MSH4: variants seen among roughly 807,000 people sequenced by gnomAD.
The protein encoded by MSH4 is mutS homolog 4.
MSH4 carries 106 observed loss-of-function variants against 113.7 expected under a neutral mutation model. The ratio of observed to expected loss-of-function variants is 0.93; its 90% CI spans 0.80 to 1.10. The LOEUF is 1.10. MSH4 is among the 50% of genes least tolerant of loss of function. The pLI is 0.00. For missense variants in MSH4, 1,061 were observed against 1,093.7 expected (o/e 0.97, Z 0.42); for synonymous variants, 368 against 380.2 (o/e 0.97, Z 0.37).
chr1:75,893,781 G>A (rs75280087), intron 17 of MSH4, among the ~76,000 whole-genome samples: 6,444 of 152,278 alleles, frequency 0.042, 189 homozygotes, highest in Non-Finnish European at 0.066. Context: ...GGATAAGGGT[G>A]GAAGGAACAT....
Position 75,880,069 on chromosome 1 carries a change from CT to C in MSH4, c.1699del (p.Tyr567ThrfsTer8). 1.3e-6 allele frequency: 2 copies of C among 1,586,392 alleles called. No individual in the cohort carries two copies. The highest frequency in any genetic ancestry group is 1.2e-5 in the South Asian group (1 of 86,564). On this transcript the variant is annotated frameshift_variant, in exon 13 of 20. Transcript: ENST00000263187. LOFTEE classifies it high-confidence loss of function. ...AAGCAGATTTCTAAAGTGAAAAATT[CT>C]TACAGCTTTACATCAGCAGATTTAA... is the stretch of plus-strand genomic sequence containing the variant. ...EFIKISKVKNSYSFTSADLIK... is the reference protein window; with the variant it reads ...EFIKISKVKNXYSFTSADLIK...
intron 3 of MSH4, among the ~76,000 whole-genome samples, chr1:75,808,079 A>G (rs770127006): frequency 6.6e-6 from 1 of 152,168 alleles, no homozygotes. Flanking sequence ...CTTTTTGTAC[A>G]TCATTTATTT....
chr1:75,892,038 T>A, intron 17 of MSH4, among the ~76,000 whole-genome samples: 1 of 152,252 alleles, frequency 6.6e-6, no homozygotes, highest in Non-Finnish European at 1.5e-5. Flanking sequence ...GAGATTAGAA[T>A]TGGTAAACTG....
chr1:75,909,046 C>A (rs534146337), intron 19 of MSH4, among the ~76,000 whole-genome samples: 2 of 152,250 alleles, frequency 1.3e-5, no homozygotes, highest in East Asian at 3.9e-4. Flanking sequence ...GTTTCTAATT[C>A]CACTCCCCTT....
intron 2 of MSH4, among the ~76,000 whole-genome samples, 168 bp from the exon 3 acceptor site, chr1:75,806,813 A>G (rs868026205): frequency 5.3e-5 from 8 of 152,210 alleles, no homozygotes; most frequent in Non-Finnish European, 7.3e-5. Flanking sequence ...TTGAAATTAT[A>G]GTTGTACTGA....
intron 7 of MSH4, among the ~76,000 whole-genome samples, chr1:75,823,257 A>G (rs948166438): frequency 1.3e-5 from 2 of 152,218 alleles, no homozygotes; most frequent in African/African-American, 4.8e-5. Flanking sequence ...TAATAACCTC[A>G]CATTAGCTTG....
chr1:75,822,902 T>C (rs1251274), intron 7 of MSH4, among the ~76,000 whole-genome samples: 131,525 of 152,042 alleles, frequency 0.87, 57,115 homozygotes, highest in South Asian at 0.94. Context: ...GAAGATTTGT[T>C]CAGACTACGT....
intron 7 of MSH4, among the ~76,000 whole-genome samples, chr1:75,845,125 A>C (rs558771200): frequency 1.3e-5 from 2 of 152,344 alleles, no homozygotes; most frequent in South Asian, 4.1e-4. Context: ...CCTCTCAACA[A>C]GGTTGCACTG....
intron 7 of MSH4, among the ~76,000 whole-genome samples, chr1:75,828,652 C>A (rs1336022237): frequency 6.6e-6 from 1 of 152,088 alleles, no homozygotes. Flanking sequence ...CTATTGGGGA[C>A]TCCAAAAGGG....
chr1:75,899,119 A>T (rs1392042737), intron 18 of MSH4, among the ~76,000 whole-genome samples: 2 of 152,176 alleles, frequency 1.3e-5, no homozygotes, highest in East Asian at 3.9e-4. Context: ...AAGCTCTAAA[A>T]ACATGAGAAT....
intron 16 of MSH4, 66 bp downstream of exon 16, chr1:75,889,435 A>G (rs556028039): frequency 7.2e-6 from 5 of 697,634 alleles, no homozygotes; most frequent in Middle Eastern, 2.6e-4. Context: ...CAGTTATCAC[A>G]TAAAATATTT....
chr1:75,828,392 G>A (rs922914383), intron 7 of MSH4, among the ~76,000 whole-genome samples: 1 of 152,150 alleles, frequency 6.6e-6, no homozygotes, highest in Admixed American at 6.5e-5. Context: ...CGGCAGCAAA[G>A]ACATGGAATG....
At chr1:75,890,165 G>T (rs1271624742) in intron 16 of MSH4, among the ~76,000 whole-genome samples, 1 of 152,014 alleles carries the variant, frequency 6.6e-6, no homozygotes, top group Non-Finnish European at 1.5e-5. Flanking sequence ...CAGTGGAAAA[G>T]AGCACTTCTG....
chr1:75,828,827 A>G (rs1403891037), intron 7 of MSH4, among the ~76,000 whole-genome samples: 3 of 152,130 alleles, frequency 2.0e-5, no homozygotes, highest in African/African-American at 7.2e-5. Context: ...AGGAAAAGAG[A>G]GGAGGTTCCA....
chr1:75,865,694 T>A (rs1017714191), intron 8 of MSH4, among the ~76,000 whole-genome samples: 2 of 152,226 alleles, frequency 1.3e-5, no homozygotes, highest in African/African-American at 4.8e-5. Flanking sequence ...TAAACAACTT[T>A]AGCTATTAGT....
At chr1:75,805,185 A>G (rs144901952) in intron 2 of MSH4, among the ~76,000 whole-genome samples, 47 of 150,028 alleles carry the variant, frequency 3.1e-4, no homozygotes, top group African/African-American at 1.1e-3. Context: ...TTCAATAGAC[A>G]TATAAAAGAC....
chr1:75,809,377 A>G (rs1415305568), intron 3 of MSH4, among the ~76,000 whole-genome samples: 1 of 152,124 alleles, frequency 6.6e-6, no homozygotes, highest in Non-Finnish European at 1.5e-5. Context: ...TAATGATACT[A>G]GTATTGCATA....
intron 8 of MSH4, among the ~76,000 whole-genome samples, chr1:75,856,301 A>G (rs1316700457): frequency 4.0e-5 from 6 of 150,978 alleles, no homozygotes; most frequent in Middle Eastern, 3.2e-3. Flanking sequence ...TTCTTTTTTT[A>G]TGTATATTTT....
chr1:75,814,291 C>CAAAAAA (rs138983828), intron 4 of MSH4, among the ~76,000 whole-genome samples: 1 of 101,312 alleles, frequency 9.9e-6, no homozygotes. Flanking sequence ...TATCTCTGCT[C>CAAAAAA]AAAAAAAAAA....
Sources: gnomAD v4.1 joint callset for allele counts (sites outside exome capture counted in the v4.1 genomes callset) on GRCh38, gnomAD v4.1.1 for gene constraint, MANE v1.5 for transcripts, NCBI Gene and HGNC (gene_info 2026-07-23, HGNC 2026-07-21) for gene names.